Variants in CEP295 observed in about 807,000 individuals in gnomAD.
CEP295 encodes the protein centrosomal protein 295, also known as centrosomal protein of 295 kDa.
A neutral mutation model predicts 291.6 loss-of-function variants in CEP295; 190 were observed. That is an observed-to-expected ratio of 0.65 (90% CI 0.58 to 0.73). The LOEUF (loss-of-function observed/expected upper bound fraction) is 0.73, where lower values mean the gene tolerates loss of function less well. Ranked by LOEUF, CEP295 falls within the 30% of genes least tolerant of loss-of-function variation. CEP295 has a pLI of 0.00. For synonymous variants in CEP295, 993 were observed against 1,038.8 expected, an observed-to-expected ratio of 0.96 and a Z score of 0.85; for missense variants, 2,863 against 2,949.4, an observed-to-expected ratio of 0.97 and a Z score of 0.68.
chr11:93,691,728 G>A lies in CEP295; in HGVS notation c.1382G>A (p.Ser461Asn). The A allele has an allele frequency of 6.5e-7, 1 of 1,547,672 alleles. No individual in the cohort carries two copies. The highest frequency in any genetic ancestry group is 8.7e-7 in the Non-Finnish European group (1 of 1,145,586). ...ACAATTGAGTCTGGACCACTTGCTA[G>A]TGAAGATAAACCACTTTCGTGTGGT... ...TLTIESGPLA[S>N]EDKPLSCGTN... The change falls in exon 11 of 30, where the codon AGT becomes AAT. Residue 461 changes from serine to asparagine, a missense_variant. By Grantham distance (46) the Ser-to-Asn change is conservative (BLOSUM62 1). Transcript: ENST00000325212.
At chr11:93,666,503 A>G (rs891038588) in intron 1 of CEP295, among the ~76,000 whole-genome samples, 179 bp from the exon 2 acceptor site, 2 of 152,140 alleles carry the variant, frequency 1.3e-5, no homozygotes, top group Non-Finnish European at 2.9e-5. Context: ...CTGAGGCATG[A>G]GAATCGCTTG....
intron 8 of CEP295, 84 bp downstream of exon 8, chr11:93,683,826 A>G (rs1256977311): frequency 1.4e-6 from 2 of 1,450,020 alleles, no homozygotes; most frequent in Admixed American, 2.6e-5. Flanking sequence ...AGCAGTTTTT[A>G]TCTTGAAATG....
At chr11:93,683,779 T>C in intron 8 of CEP295, 37 bp downstream of exon 8, 1 of 1,507,258 alleles carries the variant, frequency 6.6e-7, no homozygotes, top group Non-Finnish European at 8.9e-7. Flanking sequence ...ATAGTGATTT[T>C]ATACGTTTTG....
intron 18 of CEP295, among the ~76,000 whole-genome samples, chr11:93,708,125 C>T (rs544125166): frequency 6.6e-6 from 1 of 152,190 alleles, no homozygotes; most frequent in South Asian, 2.1e-4. Context: ...GTAATATTCA[C>T]ATCATGGTAA....
chr11:93,694,338 A>G (rs1951745046), intron 12 of CEP295, among the ~76,000 whole-genome samples: 1 of 152,166 alleles, frequency 6.6e-6, no homozygotes, highest in Non-Finnish European at 1.5e-5. Flanking sequence ...CAAACTGTGG[A>G]TAATATTGAT....
chr11:93,686,261 G>T (rs938008576), intron 9 of CEP295, among the ~76,000 whole-genome samples: 8 of 151,758 alleles, frequency 5.3e-5, no homozygotes, highest in Non-Finnish European at 2.9e-5. Flanking sequence ...AAAGGCTGCA[G>T]TGAGCCGAAA....
rs190640154 is a variant in CEP295 at position 93,680,201 on chromosome 11, C to T, written c.765+649C>T. 4.9e-3 allele frequency among the ~76,000 whole-genome samples: 751 copies of T among 152,164 alleles called. 13 individuals are homozygous for T. Among genetic ancestry groups the T allele is most frequent in the African/African-American group, 0.017 (696 of 41,528 alleles). ...CCAAGGTGGGAGGATCACCTGAGCC[C>T]GGGACAAGGAGGTTGCGTTGAGCTG... On this transcript the variant is annotated intron_variant, in intron 7 of 29. Transcript: ENST00000325212.
rs1243268319 is a variant in CEP295 at position 93,697,212 on chromosome 11, A to G, written c.2300A>G (p.Gln767Arg). The G allele has an allele frequency of 5.2e-5, 81 of 1,551,674 alleles. No homozygotes were observed. Among genetic ancestry groups the G allele is most frequent in the Non-Finnish European group, 6.5e-5 (74 of 1,147,018 alleles). Residue 767 changes from glutamine (Q) to arginine (R), a missense_variant, in exon 15 of 30, where the codon CAA becomes CGA. By Grantham distance (43) the Gln-to-Arg change is conservative (BLOSUM62 1). Transcript: ENST00000325212. ...ATTFQSLESQ[Q>R]LFSENSENIS... The stretch of plus-strand genomic sequence containing the variant: ...ACTTTTCAAAGTTTAGAATCCCAAC[A>G]ATTGTTCTCAGAGAATAGTGAAAAT...
At chr11:93,724,871 C>CA (rs1173778443) in intron 22 of CEP295, among the ~76,000 whole-genome samples, 11 of 152,112 alleles carry the variant, frequency 7.2e-5, no homozygotes, top group Admixed American at 2.6e-4. Context: ...CCAATTAAAG[C>CA]AGAGTTTCTG....
chr11:93,723,419 A>G (rs1953900964), intron 21 of CEP295, 130 bp downstream of exon 21: 4 of 687,644 alleles, frequency 5.8e-6, no homozygotes, highest in African/African-American at 1.8e-5. Flanking sequence ...CCGTTTTACC[A>G]CAGAATATAT....
In CEP295 at chr11:93,727,200, T is replaced by C; in HGVS notation, c.6724T>C (p.Ser2242Pro). 1 of 1,551,374 alleles carries C rather than the reference T, an allele frequency of 6.4e-7. No homozygotes were observed. The highest frequency in any genetic ancestry group is 1.2e-5 in the South Asian group (1 of 83,982). ...IGNLSSVYSS[S>P]DEANVFDQLN... Reference sequence around the variant, plus strand: ...AAACTTAAGTTCAGTCTACAGTTCATCTGATGAAGCTAATGTATTTGATCA... The same window carrying C: ...AAACTTAAGTTCAGTCTACAGTTCACCTGATGAAGCTAATGTATTTGATCA... Residue 2242 changes from serine to proline, a missense_variant, in exon 24 of 30, where the codon TCT becomes CCT. Ser to Pro is a moderately conservative substitution (Grantham distance 74). Coordinates refer to ENST00000325212, the MANE Select transcript of CEP295 (RefSeq NM_033395.2).
At chr11:93,688,632 T>C (rs1424362661) in intron 10 of CEP295, among the ~76,000 whole-genome samples, 2 of 152,124 alleles carry the variant, frequency 1.3e-5, no homozygotes, top group African/African-American at 2.4e-5. Flanking sequence ...TATCCACATC[T>C]CCATAATGAC....
At chr11:93,719,930 A>C (rs944325633) in intron 18 of CEP295, among the ~76,000 whole-genome samples, 1 of 152,164 alleles carries the variant, frequency 6.6e-6, no homozygotes, top group African/African-American at 2.4e-5. Context: ...TAAGAAGGAA[A>C]ATAAGCTCAG....
At chr11:93,707,993 T>C (rs1952631765) in intron 18 of CEP295, among the ~76,000 whole-genome samples, 1 of 152,212 alleles carries the variant, frequency 6.6e-6, no homozygotes, top group Non-Finnish European at 1.5e-5. Context: ...CAGTGAGCTA[T>C]AATTTTTGAC....
intron 10 of CEP295, among the ~76,000 whole-genome samples, 185 bp from the exon 11 acceptor site, chr11:93,691,495 CTGT>C (rs759877363): frequency 5.9e-5 from 9 of 152,122 alleles, no homozygotes; most frequent in Non-Finnish European, 8.8e-5. Flanking sequence ...TCTTTCATCT[CTGT>C]TGTTATTATT....
intron 25 of CEP295, 39 bp from the exon 26 acceptor site, chr11:93,729,395 G>GTTTT (rs1347147613): frequency 1.4e-6 from 2 of 1,388,160 alleles, no homozygotes; most frequent in East Asian, 5.0e-5. Flanking sequence ...CGCTTAAAGC[G>GTTTT]TTTAAAAAGA....
intron 7 of CEP295, among the ~76,000 whole-genome samples, chr11:93,681,042 G>T (rs904120235): frequency 6.6e-6 from 1 of 152,048 alleles, no homozygotes; most frequent in African/African-American, 2.4e-5. Context: ...CCCCATCTAA[G>T]GTTTAAACCT....
At position 93,730,049 on chromosome 11, in the gene CEP295, G is replaced by T. The variant is rs1381155285; in HGVS notation, c.7668G>T (p.Arg2556Ser). 3 of 1,545,400 alleles carry T rather than the reference G, an allele frequency of 1.9e-6. No homozygotes were observed. Among genetic ancestry groups the T allele is most frequent in the Non-Finnish European group, 1.7e-6 (2 of 1,144,246 alleles). ...TQALRHQRGL[R>S]LYNQLAEVKQ... Reference sequence around the variant, plus strand: ...CTAATTCTATATAAATTCTTTACAGGTTATACAATCAACTAGCTGAAGTGA... The same window carrying T: ...CTAATTCTATATAAATTCTTTACAGTTTATACAATCAACTAGCTGAAGTGA... Residue 2556 changes from arginine to serine, a missense_variant and splice_region_variant, in exon 29 of 30, where the codon AGG becomes AGT. Physicochemically the swap from Arg to Ser is moderately radical, Grantham distance 110 (BLOSUM62 -1). Transcript: ENST00000325212.
In CEP295 at chr11:93,683,642, A is replaced by C. The variant is rs374987584; in HGVS notation, c.849A>C (p.Pro283=). 2.2e-5 allele frequency: 34 copies of C among 1,550,006 alleles called. No homozygotes were observed. Among genetic ancestry groups the C allele is most frequent in the Non-Finnish European group, 2.7e-5 (31 of 1,146,638 alleles). Residue 283 remains proline (P), a synonymous_variant, in exon 8 of 30, where the codon CCA becomes CCC. Transcript: ENST00000325212. ...GGAGACAGACTGTAGCACAAATGCCACCACAACTAGTTGAACTTCCATACA... is the reference window on the plus strand; with the variant it reads ...GGAGACAGACTGTAGCACAAATGCCCCCACAACTAGTTGAACTTCCATACA... ...ARRRQTVAQM[P]PQLVELPYKR...
Sources: allele counts gnomAD v4.1 joint callset (sites outside exome capture counted in the v4.1 genomes callset), GRCh38; gene constraint gnomAD v4.1.1; transcripts MANE v1.5; gene names NCBI Gene and HGNC (gene_info 2026-07-23, HGNC 2026-07-21).